CELF4: variants seen among roughly 807,000 people sequenced by gnomAD.
CELF4 encodes the protein CUG-BP- and ETR-3-like factor 4.
Under a neutral mutation model 59.9 loss-of-function variants are expected in CELF4, and 18 were observed. The ratio of observed to expected loss-of-function variants is 0.30; its 90% CI spans 0.21 to 0.45. CELF4 has a LOEUF of 0.45. CELF4 is among the 20% of genes least tolerant of loss of function. CELF4 has a pLI of 1.00. For missense variants in CELF4, 456 were observed against 689.0 expected, an observed-to-expected ratio of 0.66 and a Z score of 3.79; for synonymous variants, 261 against 267.1, an observed-to-expected ratio of 0.98 and a Z score of 0.22.
chr18:37,312,137 A>G (rs28418282), intron 3 of CELF4, among the ~76,000 whole-genome samples: 59,459 of 139,600 alleles, frequency 0.43, 12,877 homozygotes, highest in South Asian at 0.55. Context: ...AAAAGAAAAA[A>G]AAAAAAAGAA....
At chr18:37,319,791 A>G (rs912030914) in intron 3 of CELF4, among the ~76,000 whole-genome samples, 1 of 152,248 alleles carries the variant, frequency 6.6e-6, no homozygotes, top group African/African-American at 2.4e-5. Context: ...GGAGAAACCC[A>G]GAGCACTGGG....
At chr18:37,529,341 A>G (rs1406934107) in intron 1 of CELF4, among the ~76,000 whole-genome samples, 26 of 152,198 alleles carry the variant, frequency 1.7e-4, no homozygotes, top group Admixed American at 1.7e-3. Flanking sequence ...AAGGCACACT[A>G]TCTGTCCAGT....
chr18:37,315,157 C>T (rs2096824219), intron 3 of CELF4, among the ~76,000 whole-genome samples: 1 of 152,142 alleles, frequency 6.6e-6, no homozygotes, highest in South Asian at 2.1e-4. Context: ...CCCGCTCCCT[C>T]CCAAGCCTGT....
At chr18:37,326,566 G>A (rs1055057026) in intron 2 of CELF4, among the ~76,000 whole-genome samples, 7 of 152,164 alleles carry the variant, frequency 4.6e-5, no homozygotes, top group African/African-American at 1.7e-4. Flanking sequence ...TCCTCCAGGT[G>A]CCTGAAGGGG....
At chr18:37,429,561 A>G (rs1284331548) in intron 2 of CELF4, among the ~76,000 whole-genome samples, 1 of 152,112 alleles carries the variant, frequency 6.6e-6, no homozygotes, top group Non-Finnish European at 1.5e-5. Context: ...CTGCATGTCT[A>G]TGTCAGAGGT....
chr18:37,391,180 G>C (rs1445703656), intron 2 of CELF4, among the ~76,000 whole-genome samples: 4 of 152,114 alleles, frequency 2.6e-5, no homozygotes, highest in African/African-American at 4.8e-5. Flanking sequence ...AAGCAGGCAG[G>C]GAGAGAAGCC....
At chr18:37,397,117 C>G (rs999903911) in intron 2 of CELF4, among the ~76,000 whole-genome samples, 2 of 152,094 alleles carry the variant, frequency 1.3e-5, no homozygotes, top group Non-Finnish European at 2.9e-5. Flanking sequence ...CAGCTCCCCA[C>G]AAACCCTCAT....
chr18:37,531,825 A>T (rs1356600250), intron 1 of CELF4, among the ~76,000 whole-genome samples: 1 of 152,140 alleles, frequency 6.6e-6, no homozygotes, highest in Non-Finnish European at 1.5e-5. Flanking sequence ...GGGTGCAGTT[A>T]GGGTCCTTGG....
chr18:37,430,764 C>A (rs570253162), intron 2 of CELF4, among the ~76,000 whole-genome samples: 5 of 152,190 alleles, frequency 3.3e-5, no homozygotes, highest in Admixed American at 3.3e-4. Context: ...GCCTGTCAGG[C>A]CCCCTCTAGT....
chr18:37,404,705 C>A (rs569726945), intron 2 of CELF4, among the ~76,000 whole-genome samples: 11 of 152,170 alleles, frequency 7.2e-5, no homozygotes, highest in Non-Finnish European at 1.3e-4. Context: ...AAGCAGAGAG[C>A]CAGGATGGAG....
At chr18:37,366,739 A>G (rs566038530) in intron 2 of CELF4, among the ~76,000 whole-genome samples, 11 of 152,294 alleles carry the variant, frequency 7.2e-5, no homozygotes, top group Admixed American at 5.9e-4. Flanking sequence ...GAGGGTAAGT[A>G]GCATCCTTGG....
chr18:37,420,254 C>G (rs902602673), intron 2 of CELF4, among the ~76,000 whole-genome samples: 24 of 152,198 alleles, frequency 1.6e-4, no homozygotes, highest in African/African-American at 5.8e-4. Flanking sequence ...CAGCCAGAAC[C>G]TGGGGGTTGC....
chr18:37,535,182 G>T (rs1186873371), intron 1 of CELF4, among the ~76,000 whole-genome samples: 1 of 152,196 alleles, frequency 6.6e-6, no homozygotes, highest in Non-Finnish European at 1.5e-5. Context: ...GACTATGGAG[G>T]ATTAGCTAAT....
chr18:37,448,613 G>A (rs2099754685), intron 2 of CELF4, among the ~76,000 whole-genome samples: 1 of 152,222 alleles, frequency 6.6e-6, no homozygotes, highest in African/African-American at 2.4e-5. Flanking sequence ...ACAGCGTCCT[G>A]GCATCTGGGA....
chr18:37,565,272 C>T, intron 1 of CELF4, 84 bp downstream of exon 1: 3 of 1,438,172 alleles, frequency 2.1e-6, no homozygotes, highest in Non-Finnish European at 1.9e-6. Flanking sequence ...GCTTAGTCCG[C>T]CGCTCGTCAG....
At position 37,501,269 on chromosome 18, in the gene CELF4, T is replaced by C. The variant is rs190124931; in HGVS notation, c.287-15662A>G. ...CTAGCCACCTTATCTATAAAATCTC[T>C]GCTTAAGTGCAGGTTGATGTGGGAA... On this transcript the variant is annotated intron_variant, in intron 1 of 12. Coordinates refer to ENST00000420428, the MANE Select transcript of CELF4 (RefSeq NM_020180.4). Among the ~76,000 whole-genome samples, 52 of 152,352 alleles carry C rather than the reference T, an allele frequency of 3.4e-4. 1 individual carries two copies. The East Asian group carries it at 8.1e-3, about 24-fold the overall frequency.
chr18:37,504,453 CAAAA>C (rs765700471), intron 1 of CELF4, among the ~76,000 whole-genome samples: 3 of 71,168 alleles, frequency 4.2e-5, no homozygotes, highest in African/African-American at 4.7e-5. Context: ...GACTCCATCT[CAAAA>C]AAAAAAAAAA....
intron 2 of CELF4, among the ~76,000 whole-genome samples, chr18:37,446,261 C>T (rs577129342): frequency 7.9e-5 from 12 of 152,266 alleles, no homozygotes; most frequent in Non-Finnish European, 1.2e-4. Context: ...GTGCAAGAGA[C>T]GGATGGATTT....
In CELF4 at chr18:37,243,829, G is replaced by C. The variant is rs2061077132; in HGVS notation, c.*1413C>G. 5.9e-6 allele frequency: 1 copy of C among 169,164 alleles called. No homozygotes were observed. Among genetic ancestry groups the C allele is most frequent in the Non-Finnish European group, 1.3e-5 (1 of 78,598 alleles). The allele number at this position is 169,164 out of a possible 1,614,324, so 10.5% of individuals were successfully genotyped here. On this transcript the variant is annotated 3_prime_UTR_variant, in exon 13 of 13. Transcript: ENST00000420428. Reference sequence around the variant, plus strand: ...TTCTCCCTTGCCCGGAAAGTCTCTGGAGCAAGCGTGGAAGGCGAGTGAAGC... The same window carrying C: ...TTCTCCCTTGCCCGGAAAGTCTCTGCAGCAAGCGTGGAAGGCGAGTGAAGC...
Sources: gnomAD v4.1 joint callset for allele counts (sites outside exome capture counted in the v4.1 genomes callset) on GRCh38, gnomAD v4.1.1 for gene constraint, MANE v1.5 for transcripts, NCBI Gene and HGNC (gene_info 2026-07-23, HGNC 2026-07-21) for gene names.